Variants in TMEM243 observed in about 807,000 individuals in gnomAD.
TMEM243 encodes the protein transmembrane protein 243, also known as MDR1 and mitochondrial taxol resistance associated.
In TMEM243, 20 loss-of-function variants were observed where a neutral mutation model predicts 15.0. The ratio of observed to expected loss-of-function variants is 1.33; its 90% CI spans 0.94 to 1.93. The LOEUF (loss-of-function observed/expected upper bound fraction) is 1.93, where lower values mean the gene tolerates loss of function less well. Ranked by LOEUF, TMEM243 falls within the 30% of genes most tolerant of loss-of-function variation. The pLI is 0.00. For missense variants in TMEM243, 156 were observed against 142.1 expected, an observed-to-expected ratio of 1.10 and a Z score of -0.50; for synonymous variants, 72 against 52.7, an observed-to-expected ratio of 1.37 and a Z score of -1.59.
chr7:87,218,886 T>G (rs117182917), intron 1 of TMEM243, among the ~76,000 whole-genome samples: 1 of 152,192 alleles, frequency 6.6e-6, no homozygotes, highest in Admixed American at 6.5e-5. Context: ...TAACGTATGG[T>G]AGCCTGTTCA....
Position 87,219,446 on chromosome 7 carries a change from A to G in TMEM243, c.58T>C (p.Phe20Leu). The G allele has an allele frequency of 6.2e-7, 1 of 1,614,180 alleles. No individual in the cohort carries two copies. Among genetic ancestry groups the G allele is most frequent in the South Asian group, 1.1e-5 (1 of 91,080 alleles). ...GTSGLDNRPL[F>L]GETSAKDRII... ...CTCACCTTGGCGGACGTCTCCCCAA[A>G]CAGAGGTCTGTTGTCCAGGCCACTG... is the stretch of plus-strand genomic sequence containing the variant. Residue 20 changes from phenylalanine to leucine, a missense_variant, in exon 1 of 4, where the codon TTT becomes CTT. Transcript: ENST00000257637.
chr7:87,207,391 C>T (rs1260011843), intron 1 of TMEM243, among the ~76,000 whole-genome samples: 1 of 5,766 alleles, frequency 1.7e-4, no homozygotes, highest in Non-Finnish European at 5.5e-4. Flanking sequence ...GTCAGGAGTT[C>T]GAGACCATCC....
chr7:87,199,113 A>G, intron 1 of TMEM243, 56 bp from the exon 2 acceptor site: 1 of 1,421,330 alleles, frequency 7.0e-7, no homozygotes, highest in South Asian at 1.3e-5. Context: ...TACCTTCAGT[A>G]TAGTACAATG....
intron 1 of TMEM243, among the ~76,000 whole-genome samples, chr7:87,209,756 G>A (rs930870986): frequency 4.9e-5 from 4 of 81,678 alleles, no homozygotes; most frequent in African/African-American, 8.7e-5. Context: ...GACACAGAGC[G>A]AGACAGTGAG....
chr7:87,198,985 G>C (rs1158223735), intron 2 of TMEM243, 22 bp downstream of exon 2: 1 of 1,581,220 alleles, frequency 6.3e-7, no homozygotes, highest in East Asian at 2.3e-5. Flanking sequence ...GCCTGGGTGA[G>C]GCACAAAATG....
intron 1 of TMEM243, among the ~76,000 whole-genome samples, chr7:87,204,106 G>C (rs1802027566): frequency 6.6e-6 from 1 of 152,180 alleles, no homozygotes. Flanking sequence ...AGGCAAGAGA[G>C]AAAATGAGAG....
chr7:87,203,299 TG>T (rs201313156), intron 1 of TMEM243, among the ~76,000 whole-genome samples: 2 of 151,744 alleles, frequency 1.3e-5, no homozygotes, highest in Non-Finnish European at 1.5e-5. Flanking sequence ...AATGGTGGAA[TG>T]GGGGGGAAAA....
chr7:87,198,837 C>T (rs959141024), intron 2 of TMEM243, 170 bp downstream of exon 2: 7 of 562,930 alleles, frequency 1.2e-5, no homozygotes, highest in African/African-American at 6.0e-5. Context: ...TTCACATATT[C>T]AACCTGGGGG....
intron 2 of TMEM243, 42 bp from the exon 3 acceptor site, chr7:87,198,087 A>C (rs1337439480): frequency 6.6e-7 from 1 of 1,526,306 alleles, no homozygotes. Flanking sequence ...CAGTAATTCC[A>C]AGACTTGGTA....
At chr7:87,215,090 G>A (rs1265117125) in intron 1 of TMEM243, among the ~76,000 whole-genome samples, 1 of 152,176 alleles carries the variant, frequency 6.6e-6, no homozygotes, top group Non-Finnish European at 1.5e-5. Context: ...TGGCTAGCGT[G>A]AATTCAGATG....
In TMEM243 at chr7:87,207,702, A is replaced by G. The variant is rs548908260; in HGVS notation, c.79-8645T>C. Reference sequence around the variant, plus strand: ...GGGTAGAGGGTGGAGGAAGATTGAGAACTCCATTTTTGGTGTTACTTCTAA... The same window carrying G: ...GGGTAGAGGGTGGAGGAAGATTGAGGACTCCATTTTTGGTGTTACTTCTAA... On this transcript the variant is annotated intron_variant, in intron 1 of 3. Transcript: ENST00000257637. 3.3e-5 allele frequency among the ~76,000 whole-genome samples: 5 copies of G among 152,312 alleles called. No individual in the cohort carries two copies. The East Asian group carries it at 9.6e-4, about 29-fold the overall frequency.
At chr7:87,201,040 C>T (rs558084440) in intron 1 of TMEM243, among the ~76,000 whole-genome samples, 1 of 152,282 alleles carries the variant, frequency 6.6e-6, no homozygotes, top group African/African-American at 2.4e-5. Flanking sequence ...GAATACTTTC[C>T]TGCCTACCTT....
intron 1 of TMEM243, among the ~76,000 whole-genome samples, chr7:87,201,752 C>T (rs1348396498): frequency 3.9e-5 from 6 of 152,162 alleles, no homozygotes; most frequent in Non-Finnish European, 8.8e-5. Context: ...TCTCTATTAA[C>T]TCAATTATTT....
In TMEM243 at chr7:87,219,559, C is replaced by G. The variant is rs939256367; in HGVS notation, c.-56G>C. On this transcript the variant is annotated 5_prime_UTR_variant, in exon 1 of 4. Transcript: ENST00000257637. ...TTAAAAGCAAGACAGCATGACCTCC[C>G]GAGGTCTCAGGTCCACGACTGCAAG... 1 of 1,512,196 alleles carries G rather than the reference C, an allele frequency of 6.6e-7. No homozygotes were observed. The highest frequency in any genetic ancestry group is 9.2e-7 in the Non-Finnish European group (1 of 1,090,390). The allele number at this position is 1,512,196 out of a possible 1,614,324, so 93.7% of individuals were successfully genotyped here.
intron 1 of TMEM243, among the ~76,000 whole-genome samples, chr7:87,215,666 C>T (rs1347528806): frequency 6.6e-6 from 1 of 152,034 alleles, no homozygotes; most frequent in East Asian, 1.9e-4. Flanking sequence ...TATTTTTCAC[C>T]TGAAAGAGAA....
chr7:87,201,317 C>T (rs954968129), intron 1 of TMEM243, among the ~76,000 whole-genome samples: 4 of 152,186 alleles, frequency 2.6e-5, no homozygotes, highest in African/African-American at 7.2e-5. Context: ...ACCAGCACAT[C>T]GGCCTCACCT....
intron 1 of TMEM243, among the ~76,000 whole-genome samples, chr7:87,209,307 T>G (rs1431959084): frequency 1.1e-3 from 118 of 104,264 alleles, no homozygotes; most frequent in East Asian, 1.8e-3. Flanking sequence ...CATGAGGGGG[T>G]GGGAAAGGGT....
intron 1 of TMEM243, among the ~76,000 whole-genome samples, chr7:87,210,173 T>C (rs1206476856): frequency 6.6e-6 from 1 of 152,058 alleles, no homozygotes. Context: ...TGGGGGATGG[T>C]GCTAAACCAT....
chr7:87,202,316 C>T (rs1246032216), intron 1 of TMEM243, among the ~76,000 whole-genome samples: 1 of 152,034 alleles, frequency 6.6e-6, no homozygotes, highest in East Asian at 1.9e-4. Context: ...AAAGATGGTT[C>T]ATGAAAGGAA....
Sources: allele counts gnomAD v4.1 joint callset (sites outside exome capture counted in the v4.1 genomes callset), GRCh38; gene constraint gnomAD v4.1.1; transcripts MANE v1.5; gene names NCBI Gene and HGNC (gene_info 2026-07-23, HGNC 2026-07-21).